ATP1A4: variants seen among roughly 807,000 people sequenced by gnomAD.
The protein encoded by ATP1A4 is ATPase Na+/K+ transporting subunit alpha 4, also known as sodium/potassium-transporting ATPase subunit alpha-4.
In ATP1A4, 90 loss-of-function variants were observed where a neutral mutation model predicts 114.3. The ratio of observed to expected loss-of-function variants is 0.79; its 90% CI spans 0.66 to 0.94. The LOEUF (loss-of-function observed/expected upper bound fraction) is 0.94, where lower values mean the gene tolerates loss of function less well. Ranked by LOEUF, ATP1A4 falls within the 40% of genes least tolerant of loss-of-function variation. ATP1A4 has a pLI of 0.00. For synonymous variants in ATP1A4, 511 were observed against 494.1 expected (o/e 1.03, Z -0.45); for missense variants, 1,222 against 1,313.6 (o/e 0.93, Z 1.08).
intron 3 of ATP1A4, 26 bp from the exon 4 acceptor site, chr1:160,156,019 T>C (rs772283589): frequency 1.7e-4 from 246 of 1,438,490 alleles, no homozygotes; most frequent in Non-Finnish European, 2.4e-4. Flanking sequence ...GTCCCACTGA[T>C]AAACGCTTTC....
At chr1:160,161,705 A>G (rs1652868353) in intron 6 of ATP1A4, among the ~76,000 whole-genome samples, 1 of 152,158 alleles carries the variant, frequency 6.6e-6, no homozygotes, top group South Asian at 2.1e-4. Context: ...AGGACCCAAT[A>G]TATGCCTTTG....
chr1:160,152,054 G>T lies in ATP1A4; in HGVS notation c.14G>T (p.Gly5Val). The change falls in exon 1 of 22, where the codon GGG (glycine) becomes GTG (valine). Residue 5 changes from glycine to valine, a missense_variant. Gly to Val is a moderately radical substitution (Grantham distance 109). Transcript: ENST00000368081. MGLW[G>V]KKGTVAPHDQ... is the part of the protein sequence containing the mutation. ...CTGGGGATAGCTATGGGGCTTTGGG[G>T]GAAGAAAGGGACAGTGGCTCCCCAT... 6.2e-7 allele frequency: 1 copy of T among 1,613,450 alleles called. No homozygotes were observed. The highest frequency in any genetic ancestry group is 8.5e-7 in the Non-Finnish European group (1 of 1,179,780).
intron 7 of ATP1A4, 133 bp downstream of exon 7, chr1:160,164,557 A>C: frequency 4.2e-6 from 4 of 956,010 alleles, no homozygotes; most frequent in Non-Finnish European, 4.7e-6. Context: ...TATCAGGAAT[A>C]ATTTAGCTCT....
rs1406923176 is a variant in ATP1A4 at position 160,166,746 on chromosome 1, G to C, written c.1246+20G>C. 1.2e-6 allele frequency: 2 copies of C among 1,614,036 alleles called. No individual in the cohort carries two copies. The highest frequency in any genetic ancestry group is 4.5e-5 in the East Asian group (2 of 44,872). Reference sequence around the variant, plus strand: ...AGACTGGTGACTAGTGGTATTGGTGGAACAAGAGTGGAGGGATTTGGGGGA... The same window carrying C: ...AGACTGGTGACTAGTGGTATTGGTGCAACAAGAGTGGAGGGATTTGGGGGA... On this transcript the variant is annotated intron_variant, in intron 8 of 21. Transcript: ENST00000368081.
chr1:160,182,332 C>T (rs193146437), intron 20 of ATP1A4, among the ~76,000 whole-genome samples: 1 of 152,284 alleles, frequency 6.6e-6, no homozygotes, highest in Non-Finnish European at 1.5e-5. Context: ...TCCAAGGATA[C>T]ATATTGCTTG....
At chr1:160,165,720 G>A (rs563642352) in intron 7 of ATP1A4, among the ~76,000 whole-genome samples, 8 of 152,124 alleles carry the variant, frequency 5.3e-5, no homozygotes, top group East Asian at 1.9e-4. Context: ...CAGAGATCAC[G>A]CCACAGAATG....
intron 18 of ATP1A4, 47 bp downstream of exon 18, chr1:160,177,711 G>A (rs757866798): frequency 6.2e-7 from 1 of 1,603,850 alleles, no homozygotes; most frequent in South Asian, 1.1e-5. Flanking sequence ...AAGAGTGAGA[G>A]TGACAGGGGA....
intron 15 of ATP1A4, among the ~76,000 whole-genome samples, chr1:160,175,100 C>G (rs896596818): frequency 6.6e-6 from 1 of 152,142 alleles, no homozygotes; most frequent in Admixed American, 6.5e-5. Context: ...CTATTCCATG[C>G]GCTGCAATCT....
rs1339063210 is a variant in ATP1A4 at position 160,166,682 on chromosome 1, T to C, written c.1202T>C (p.Phe401Ser). The change falls in exon 8 of 22, where the codon TTT (phenylalanine) becomes TCT (serine). Residue 401 changes from phenylalanine (F) to serine (S), a missense_variant. Coordinates refer to ENST00000368081, the MANE Select transcript of ATP1A4 (RefSeq NM_144699.4). ...QNRMTVAHMW[F>S]DMTVYEADTT... is the part of the protein sequence containing the mutation. ...CGCATGACCGTCGCCCACATGTGGT[T>C]TGATATGACCGTGTATGAGGCCGAC... is the stretch of plus-strand genomic sequence containing the variant. The C allele has an allele frequency of 6.2e-7, 1 of 1,614,148 alleles. No homozygotes were observed. The highest frequency in any genetic ancestry group is 2.2e-5 in the East Asian group (1 of 44,884).
At chr1:160,181,846 C>A in intron 19 of ATP1A4, 32 bp downstream of exon 19, 1 of 1,613,864 alleles carries the variant, frequency 6.2e-7, no homozygotes, top group Non-Finnish European at 8.5e-7. Context: ...CCAGCACTCT[C>A]CCAAGCCCCA....
intron 13 of ATP1A4, 124 bp downstream of exon 13, chr1:160,173,841 C>T (rs1366322200): frequency 3.2e-6 from 4 of 1,266,108 alleles, no homozygotes; most frequent in African/African-American, 3.0e-5. Flanking sequence ...GGGGTTTACA[C>T]TACAAAGTAA....
chr1:160,186,260 C>T lies in ATP1A4; in HGVS notation c.2970-16C>T. On this transcript the variant is annotated splice_polypyrimidine_tract_variant and intron_variant, in intron 20 of 21. Transcript: ENST00000368081. ...CTCTCTCTCCTGCCATGCTGACTGG[C>T]TCTTGCTCTCTACAGGATAACCTGG... is the stretch of plus-strand genomic sequence containing the variant. 6.3e-7 allele frequency: 1 copy of T among 1,576,770 alleles called. No homozygotes were observed. Among genetic ancestry groups the T allele is most frequent in the Non-Finnish European group, 8.7e-7 (1 of 1,147,706 alleles).
intron 7 of ATP1A4, among the ~76,000 whole-genome samples, chr1:160,164,635 C>A (rs1448008792): frequency 1.3e-5 from 2 of 152,174 alleles, no homozygotes; most frequent in African/African-American, 4.8e-5. Flanking sequence ...AGAGAGGAAG[C>A]AAGTTTCAAT....
At chr1:160,175,965 G>T in intron 15 of ATP1A4, 127 bp from the exon 16 acceptor site, 2 of 910,128 alleles carry the variant, frequency 2.2e-6, no homozygotes, top group Non-Finnish European at 3.5e-6. Flanking sequence ...GACCCTGGAG[G>T]TCTAGGACCT....
rs752142002 is a variant in ATP1A4 at position 160,176,518 on chromosome 1, G to A, written c.2506G>A (p.Asp836Asn). 20 of 1,614,022 alleles carry A rather than the reference G, an allele frequency of 1.2e-5. No homozygotes were observed. The East Asian group carries it at 3.3e-4, about 27-fold the overall frequency. ...ISLAYESAES[D>N]IMKRLPRNPK... ...CTTGGCTTATGAGTCAGCTGAAAGC[G>A]ACATCATGAAGAGGCTTCCAAGGAA... Residue 836 changes from aspartate (D) to asparagine (N), a missense_variant, in exon 17 of 22, where the codon GAC becomes AAC. Physicochemically the swap from Asp to Asn is conservative, Grantham distance 23. Coordinates refer to ENST00000368081, the MANE Select transcript of ATP1A4 (RefSeq NM_144699.4).
Position 160,155,199 on chromosome 1 carries a change from T to C in ATP1A4, c.362T>C (p.Val121Ala). 1 of 1,613,810 alleles carries C rather than the reference T, an allele frequency of 6.2e-7. No homozygotes were observed. Among genetic ancestry groups the C allele is most frequent in the South Asian group, 1.1e-5 (1 of 91,058 alleles). ...LLWTGAILCFVAYSIQIYFNE... is the reference protein window; with the variant it reads ...LLWTGAILCFAAYSIQIYFNE... ...TGGACTGGGGCCATTCTCTGCTTTG[T>C]GGCCTACAGCATCCAGATATATTTC... The change falls in exon 3 of 22, where the codon GTG becomes GCG. Residue 121 changes from valine (V) to alanine (A), a missense_variant. Physicochemically the swap from Val to Ala is moderately conservative, Grantham distance 64. Transcript: ENST00000368081.
intron 18 of ATP1A4, among the ~76,000 whole-genome samples, chr1:160,180,792 A>G (rs10908767): frequency 0.6 from 84,278 of 141,468 alleles, 25,925 homozygotes; most frequent in East Asian, 0.89. Flanking sequence ...TCGGCTCACT[A>G]CAAGCTCCGC....
chr1:160,174,994 G>A (rs1205869416), intron 15 of ATP1A4, among the ~76,000 whole-genome samples: 2 of 152,206 alleles, frequency 1.3e-5, no homozygotes, highest in Non-Finnish European at 2.9e-5. Flanking sequence ...CTATCAGGGA[G>A]ACTGAGACTC....
rs768792624 is a variant in ATP1A4 at position 160,174,581 on chromosome 1, A to G, written c.2145A>G (p.Gly715=). Residue 715 remains glycine (G), a splice_region_variant and synonymous_variant, in exon 15 of 22, where the codon GGA becomes GGG. Coordinates refer to ENST00000368081, the MANE Select transcript of ATP1A4 (RefSeq NM_144699.4). ...TCTCTCTGTCTGGACTTCCTCAGGG[A>G]GCCGTTGTGGCCGTGACAGGTGACG... The part of the protein sequence containing the change: ...LIIVEGCQRL[G]AVVAVTGDGV... 10 of 1,613,084 alleles carry G rather than the reference A, an allele frequency of 6.2e-6. No homozygotes were observed. The highest frequency in any genetic ancestry group is 7.6e-6 in the Non-Finnish European group (9 of 1,179,242).
Sources: gnomAD v4.1 joint callset for allele counts (sites outside exome capture counted in the v4.1 genomes callset) on GRCh38, gnomAD v4.1.1 for gene constraint, MANE v1.5 for transcripts, NCBI Gene and HGNC (gene_info 2026-07-23, HGNC 2026-07-21) for gene names.